Variants in CSNK1E observed in about 807,000 individuals in gnomAD.
CSNK1E encodes the protein casein kinase 1 epsilon.
Under a neutral mutation model 46.1 loss-of-function variants are expected in CSNK1E, and 17 were observed. The observed-to-expected ratio is 0.37, with a 90% CI of 0.25 to 0.55. CSNK1E has a LOEUF of 0.55. Ranked by LOEUF, CSNK1E falls within the 20% of genes least tolerant of loss-of-function variation. CSNK1E has a pLI of 0.82. For synonymous variants in CSNK1E, 241 were observed against 242.6 expected (o/e 0.99, Z 0.06); for missense variants, 386 against 595.4 (o/e 0.65, Z 3.66).
At chr22:38,305,971 G>A (rs1461534037) in intron 2 of CSNK1E, among the ~76,000 whole-genome samples, 2 of 152,148 alleles carry the variant, frequency 1.3e-5, no homozygotes, top group African/African-American at 4.8e-5. Flanking sequence ...CAGGCTGTTT[G>A]GAACAGCAGA....
In CSNK1E at chr22:38,295,839, T is replaced by G. The variant is rs558477424; in HGVS notation, c.886-1305A>C. ...GGCAGGCCTGGGACCACCGGGGCTC[T>G]AACTCCTGACCTCCGGTCCTCACCC... On this transcript the variant is annotated intron_variant, in intron 7 of 10. Transcript: ENST00000396832. 3.3e-5 allele frequency among the ~76,000 whole-genome samples: 5 copies of G among 152,302 alleles called. No individual in the cohort carries two copies. In the East Asian group the frequency reaches 9.6e-4, roughly 29 times the overall value.
chr22:38,295,389 A>G (rs186265844), intron 7 of CSNK1E: 2 of 984,128 alleles, frequency 2.0e-6, no homozygotes, highest in Non-Finnish European at 2.4e-6. Flanking sequence ...TGCGTTACCT[A>G]GTTCATCCTG....
chr22:38,301,464 G>A (rs1033849367), intron 4 of CSNK1E, among the ~76,000 whole-genome samples: 12 of 151,394 alleles, frequency 7.9e-5, no homozygotes, highest in Non-Finnish European at 1.5e-4. Flanking sequence ...ATGGAGTCTC[G>A]GTCTGTTGCC....
chr22:38,299,170 C>T (rs1435284735), intron 6 of CSNK1E, among the ~76,000 whole-genome samples: 1 of 152,220 alleles, frequency 6.6e-6, no homozygotes, highest in East Asian at 1.9e-4. Flanking sequence ...GAACAGTGGC[C>T]AGGAGCCTCT....
chr22:38,314,248 G>A, intron 1 of CSNK1E, 79 bp from the exon 2 acceptor site: 1 of 1,136,510 alleles, frequency 8.8e-7, no homozygotes, highest in East Asian at 2.5e-5. Flanking sequence ...GCCAGGCAGA[G>A]CCACCAGGAA....
intron 2 of CSNK1E, among the ~76,000 whole-genome samples, chr22:38,304,397 G>A (rs573746347): frequency 6.6e-6 from 1 of 152,270 alleles, no homozygotes; most frequent in East Asian, 1.9e-4. Flanking sequence ...TTGTATATAA[G>A]AAATAAAGGT....
chr22:38,292,764 A>G (rs1406793132), intron 10 of CSNK1E: 2 of 160,054 alleles, frequency 1.2e-5, no homozygotes, highest in East Asian at 3.8e-4. Flanking sequence ...AAGAACCAGC[A>G]GGCTCACGCT....
chr22:38,298,579 G>A lies in CSNK1E; in HGVS notation c.885+207C>T. 1.7e-6 allele frequency: 1 copy of A among 604,108 alleles called. No homozygotes were observed. The highest frequency in any genetic ancestry group is 2.9e-6 in the Non-Finnish European group (1 of 346,692). 37.4% of individuals were successfully genotyped at this position (604,108 alleles called of 1,614,324 possible). A position where few individuals can be genotyped will look rare whatever the true frequency, so the allele number is the denominator to read the frequency against. On this transcript the variant is annotated intron_variant, in intron 7 of 10. Coordinates refer to ENST00000396832, the MANE Select transcript of CSNK1E (RefSeq NM_152221.3). This position sits in a 1 kb window ranked among gnomAD's most constrained non-coding sequence, Gnocchi z 4.2. ...TTGTTCCGACGGGAGACAGCGCCCT[G>A]CCTGGGCCCTGCTGCCCATGGTGGC...
chr22:38,313,688 G>A (rs1354314469), intron 2 of CSNK1E, among the ~76,000 whole-genome samples: 1 of 152,194 alleles, frequency 6.6e-6, no homozygotes, highest in Admixed American at 6.5e-5. Context: ...AGAGAGGGGG[G>A]CCTGGCTAGG....
intron 2 of CSNK1E, among the ~76,000 whole-genome samples, chr22:38,304,415 T>C (rs2092688892): frequency 2.0e-5 from 3 of 152,176 alleles, no homozygotes. Flanking sequence ...GGTGTGGGTG[T>C]GAGTTGGCAC....
At position 38,309,437 on chromosome 22, in the gene CSNK1E, G is replaced by A. The variant is rs558965057; in HGVS notation, c.76+4645C>T. ...CCCTCGAGCCCTTACTCCACTCTTC[G>A]AGTACTACTGTTTGTATTTCTTTTT... On this transcript the variant is annotated intron_variant, in intron 2 of 10. Transcript: ENST00000396832. The surrounding 1 kb of genome is among the most constrained non-coding windows in gnomAD (Gnocchi z 4.8). Among the ~76,000 whole-genome samples, 62 of 152,200 alleles carry A rather than the reference G, an allele frequency of 4.1e-4. No individual in the cohort carries two copies. The highest frequency in any genetic ancestry group is 1.9e-3 in the South Asian group (9 of 4,820).
At chr22:38,313,164 G>C (rs191521140) in intron 2 of CSNK1E, among the ~76,000 whole-genome samples, 255 of 152,276 alleles carry the variant, frequency 1.7e-3, no homozygotes, top group Admixed American at 3.7e-3. Flanking sequence ...TGAGCTGATG[G>C]ACACGACACA....
rs1225497880 is a variant in CSNK1E at position 38,309,493 on chromosome 22, C to T, written c.76+4589G>A. Among the ~76,000 whole-genome samples, 4 of 151,830 alleles carry T rather than the reference C, an allele frequency of 2.6e-5. No homozygotes were observed. The highest frequency in any genetic ancestry group is 2.1e-4 in the South Asian group (1 of 4,802). On this transcript the variant is annotated intron_variant, in intron 2 of 10. Coordinates refer to ENST00000396832, the MANE Select transcript of CSNK1E (RefSeq NM_152221.3). This position sits in a 1 kb window ranked among gnomAD's most constrained non-coding sequence, Gnocchi z 4.8. ...TTTTTTTGAGACAGCTTCACTTTGTCGCCTGGGCTGGAGTGCAGTGGCATG... is the reference window on the plus strand; with the variant it reads ...TTTTTTTGAGACAGCTTCACTTTGTTGCCTGGGCTGGAGTGCAGTGGCATG...
intron 6 of CSNK1E, among the ~76,000 whole-genome samples, chr22:38,299,244 C>T (rs2092658007): frequency 6.6e-6 from 1 of 152,220 alleles, no homozygotes; most frequent in African/African-American, 2.4e-5. Context: ...CGCCAAGCAC[C>T]CTGGGGCCCA....
At chr22:38,296,262 G>A (rs1380733574) in intron 7 of CSNK1E, 7 of 1,173,548 alleles carry the variant, frequency 6.0e-6, no homozygotes, top group Admixed American at 4.5e-5. Context: ...AAAGTCACAC[G>A]AGCATCCACC....
intron 7 of CSNK1E, chr22:38,296,239 A>C (rs1368750061): frequency 1.8e-6 from 2 of 1,109,934 alleles, no homozygotes; most frequent in Admixed American, 9.8e-5. Flanking sequence ...CATAGAAAAC[A>C]TAAAAGGTCA....
intron 2 of CSNK1E, among the ~76,000 whole-genome samples, chr22:38,308,673 C>A (rs2092708692): frequency 6.6e-6 from 1 of 152,002 alleles, no homozygotes; most frequent in South Asian, 2.1e-4. Context: ...AGCCCCTAGG[C>A]TAGAGATGAG....
At chr22:38,293,029 A>C in intron 10 of CSNK1E, 1 of 556,532 alleles carries the variant, frequency 1.8e-6, no homozygotes, top group Non-Finnish European at 3.2e-6. Flanking sequence ...TTCCAGCAGA[A>C]ACTAATCCAT....
chr22:38,313,957 G>T, intron 2 of CSNK1E, 125 bp downstream of exon 2: 1 of 862,164 alleles, frequency 1.2e-6, no homozygotes, highest in Non-Finnish European at 1.9e-6. Context: ...ATCTGGGATG[G>T]CCCTGGGGCA....
Sources: gnomAD v4.1 joint callset for allele counts (sites outside exome capture counted in the v4.1 genomes callset) on GRCh38, gnomAD v4.1.1 for gene constraint, Gnocchi (gnomAD v3.1) non-coding constraint, MANE v1.5 for transcripts, NCBI Gene and HGNC (gene_info 2026-07-23, HGNC 2026-07-21) for gene names.